Variants in CTNNBL1 observed in about 807,000 individuals in gnomAD.
CTNNBL1 encodes the protein catenin beta like 1.
In CTNNBL1, 31 loss-of-function variants were observed where a neutral mutation model predicts 72.7. The observed-to-expected ratio is 0.43, with a 90% CI of 0.32 to 0.58. CTNNBL1 has a LOEUF of 0.58. CTNNBL1 is among the 20% of genes least tolerant of loss of function. The probability of loss-of-function intolerance (pLI) is 0.08; values close to 1 mark genes in which losing one functional copy is unlikely to be tolerated. For missense variants in CTNNBL1, 534 were observed against 725.1 expected, an observed-to-expected ratio of 0.74 and a Z score of 3.03; for synonymous variants, 240 against 267.3, an observed-to-expected ratio of 0.90 and a Z score of 1.00.
rs6012850 is a variant in CTNNBL1 at position 37,698,890 on chromosome 20, T to A, written c.30+4738T>A. Among the ~76,000 whole-genome samples, 691 of 152,086 alleles carry A rather than the reference T, an allele frequency of 4.5e-3. 9 individuals are homozygous for A. The highest frequency in any genetic ancestry group is 0.017 in the East Asian group (88 of 5,150). On this transcript the variant is annotated intron_variant, in intron 1 of 15. Coordinates refer to ENST00000361383, the MANE Select transcript of CTNNBL1 (RefSeq NM_030877.5). ...GTGAAAACCTGTCTCTACAAAAAGTTTAAAAATCAGCTGGGCATGGTGGTG... is the reference window on the plus strand; with the variant it reads ...GTGAAAACCTGTCTCTACAAAAAGTATAAAAATCAGCTGGGCATGGTGGTG...
chr20:37,819,522 A>G (rs1024640677), intron 11 of CTNNBL1, among the ~76,000 whole-genome samples: 6 of 152,220 alleles, frequency 3.9e-5, no homozygotes, highest in Non-Finnish European at 7.3e-5. Flanking sequence ...GCAAAAATAC[A>G]TATGTAATTA....
rs531574934 is a variant in CTNNBL1, at chr20:37,817,160, A to G, written c.1213+14112A>G. Among the ~76,000 whole-genome samples, 7 of 152,320 alleles carry G rather than the reference A, an allele frequency of 4.6e-5. No individual in the cohort carries two copies. The East Asian group carries it at 1.2e-3, about 25-fold the overall frequency. ...GTTTTATGTCTGCTAGGGCCCCCCAAAGCCTGTATTCTTGATCCCGGACTT... is the reference window on the plus strand; with the variant it reads ...GTTTTATGTCTGCTAGGGCCCCCCAGAGCCTGTATTCTTGATCCCGGACTT... On this transcript the variant is annotated intron_variant, in intron 11 of 15. Coordinates refer to ENST00000361383, the MANE Select transcript of CTNNBL1 (RefSeq NM_030877.5).
intron 4 of CTNNBL1, among the ~76,000 whole-genome samples, chr20:37,753,788 CAG>C (rs893832427): frequency 7.9e-5 from 12 of 152,152 alleles, no homozygotes; most frequent in African/African-American, 2.9e-4. Context: ...AGAGGCTGGG[CAG>C]AGACTATTAC....
chr20:37,806,395 G>C (rs2071960747), intron 11 of CTNNBL1, among the ~76,000 whole-genome samples: 1 of 152,216 alleles, frequency 6.6e-6, no homozygotes. Context: ...CTAGTAGAAA[G>C]GAGAGGTTTG....
At chr20:37,824,854 C>G (rs959404554) in intron 11 of CTNNBL1, among the ~76,000 whole-genome samples, 1 of 152,174 alleles carries the variant, frequency 6.6e-6, no homozygotes, top group Admixed American at 6.5e-5. Context: ...CGTCTATATT[C>G]CAAACAGCAG....
At chr20:37,831,655 C>A (rs765745526) in intron 11 of CTNNBL1, among the ~76,000 whole-genome samples, 1 of 152,094 alleles carries the variant, frequency 6.6e-6, no homozygotes, top group Admixed American at 6.5e-5. Flanking sequence ...CATGAATGAC[C>A]GCACCCAGCT....
At chr20:37,709,859 T>C (rs1008250392) in intron 1 of CTNNBL1, among the ~76,000 whole-genome samples, 2 of 152,222 alleles carry the variant, frequency 1.3e-5, no homozygotes, top group Admixed American at 1.3e-4. Flanking sequence ...TCTGGTGTCT[T>C]TGGAAAATGT....
Position 37,732,904 on chromosome 20 carries a change from G to A in CTNNBL1, c.56G>A (p.Arg19Gln), listed in dbSNP as rs1209318822. ...YQPNRGTKRP[R>Q]DDEEEEQKMR... Reference sequence around the variant, plus strand: ...CCCAATAGGGGCACAAAACGTCCCCGGGATGATGAAGAGGAGGAGCAGAAG... The same window carrying A: ...CCCAATAGGGGCACAAAACGTCCCCAGGATGATGAAGAGGAGGAGCAGAAG... The change falls in exon 2 of 16, where the codon CGG (arginine) becomes CAG (glutamine). Residue 19 changes from arginine to glutamine, a missense_variant. Coordinates refer to ENST00000361383, the MANE Select transcript of CTNNBL1 (RefSeq NM_030877.5). 2 of 1,613,670 alleles carry A rather than the reference G, an allele frequency of 1.2e-6. No individual in the cohort carries two copies. The highest frequency in any genetic ancestry group is 1.7e-6 in the Non-Finnish European group (2 of 1,179,996).
rs1234341799 is a variant in CTNNBL1, at chr20:37,840,154, G to A, written c.1266G>A (p.Gln422=). The stretch of plus-strand genomic sequence containing the variant: ...TCCTGCGGAACCTGAGAGGGCAGCA[G>A]CGGACCCGGCTTCTGAATAAATTCA... ...ASLLRNLRGQ[Q]RTRLLNKFTE... Residue 422 remains glutamine, a synonymous_variant, in exon 12 of 16, where the codon CAG becomes CAA. Transcript: ENST00000361383. 1 of 1,613,970 alleles carries A rather than the reference G, an allele frequency of 6.2e-7. No homozygotes were observed. Among genetic ancestry groups the A allele is most frequent in the East Asian group, 2.2e-5 (1 of 44,870 alleles).
At chr20:37,737,315 G>C (rs2073179442) in intron 2 of CTNNBL1, 63 bp from the exon 3 acceptor site, 1 of 1,117,822 alleles carries the variant, frequency 8.9e-7, no homozygotes, top group Non-Finnish European at 1.4e-6. Flanking sequence ...CCACAGGAAA[G>C]TAGTGACAAT....
intron 3 of CTNNBL1, among the ~76,000 whole-genome samples, chr20:37,740,879 C>G (rs754082257): frequency 5.3e-5 from 8 of 152,306 alleles, no homozygotes; most frequent in Non-Finnish European, 8.8e-5. Flanking sequence ...CCCGCTACCC[C>G]ATCCTGGGGT....
intron 11 of CTNNBL1, among the ~76,000 whole-genome samples, chr20:37,835,853 T>C (rs886820426): frequency 6.6e-6 from 1 of 152,200 alleles, no homozygotes; most frequent in African/African-American, 2.4e-5. Flanking sequence ...GGTGCCGATA[T>C]GGAAATATAT....
At chr20:37,728,751 T>C (rs576527751) in intron 1 of CTNNBL1, among the ~76,000 whole-genome samples, 28 of 152,316 alleles carry the variant, frequency 1.8e-4, no homozygotes, top group African/African-American at 6.7e-4. Flanking sequence ...GGAGCTGCTG[T>C]GTTGCTGAAG....
intron 11 of CTNNBL1, among the ~76,000 whole-genome samples, chr20:37,804,102 G>C (rs1442519275): frequency 6.6e-6 from 1 of 152,116 alleles, no homozygotes; most frequent in African/African-American, 2.4e-5. Flanking sequence ...AATCTGGCTG[G>C]AGCAAAAGAG....
chr20:37,803,338 G>A (rs1287288870), intron 11 of CTNNBL1, among the ~76,000 whole-genome samples: 1 of 152,148 alleles, frequency 6.6e-6, no homozygotes, highest in Non-Finnish European at 1.5e-5. Context: ...GTAGCGAGGT[G>A]TCTCTCTGAT....
At chr20:37,792,100 A>G (rs569437253) in intron 10 of CTNNBL1, among the ~76,000 whole-genome samples, 1 of 152,200 alleles carries the variant, frequency 6.6e-6, no homozygotes, top group African/African-American at 2.4e-5. Flanking sequence ...AAAGATGTTC[A>G]TAAATATTCT....
At chr20:37,822,702 TG>T (rs565428605) in intron 11 of CTNNBL1, among the ~76,000 whole-genome samples, 112 of 152,344 alleles carry the variant, frequency 7.4e-4, no homozygotes, top group Non-Finnish European at 1.2e-3. Flanking sequence ...AAAGACTCTC[TG>T]GCTCTCAGTA....
At chr20:37,767,199 G>A (rs1340325597) in intron 6 of CTNNBL1, among the ~76,000 whole-genome samples, 2 of 152,144 alleles carry the variant, frequency 1.3e-5, no homozygotes, top group African/African-American at 2.4e-5. Flanking sequence ...CCAGGATACG[G>A]ATTGGAAGGG....
In CTNNBL1 at chr20:37,718,014, C is replaced by T. The variant is rs1051966650; in HGVS notation, c.31-14865C>T. ...AGTCTCCCATGTCTACTTCTTTCTA[C>T]ACAGACACAGCAACCATCCGATTTC... On this transcript the variant is annotated intron_variant, in intron 1 of 15. Coordinates refer to ENST00000361383, the MANE Select transcript of CTNNBL1 (RefSeq NM_030877.5). 1.9e-4 allele frequency among the ~76,000 whole-genome samples: 29 copies of T among 152,240 alleles called. 1 individual carries two copies. Among genetic ancestry groups the T allele is most frequent in the Admixed American group, 6.5e-4 (10 of 15,284 alleles).
Sources: gnomAD v4.1 joint callset for allele counts (sites outside exome capture counted in the v4.1 genomes callset) on GRCh38, gnomAD v4.1.1 for gene constraint, MANE v1.5 for transcripts, NCBI Gene and HGNC (gene_info 2026-07-23, HGNC 2026-07-21) for gene names.